MTBP: variants seen among roughly 807,000 people sequenced by gnomAD.
MTBP encodes mdm2-binding protein.
MTBP carries 101 observed loss-of-function variants against 117.0 expected under a neutral mutation model. The observed-to-expected ratio is 0.86, with a 90% CI of 0.73 to 1.02. MTBP has a LOEUF of 1.02. Among genes scored for constraint, MTBP ranks in the 50% least tolerant of loss-of-function variants. The pLI is 0.00. For synonymous variants in MTBP, 350 were observed against 351.5 expected, an observed-to-expected ratio of 1.00 and a Z score of 0.05; for missense variants, 970 against 1,030.9, an observed-to-expected ratio of 0.94 and a Z score of 0.81.
chr8:120,478,428 A>G (rs750616476), intron 11 of MTBP, among the ~76,000 whole-genome samples: 8 of 152,146 alleles, frequency 5.3e-5, no homozygotes, highest in Non-Finnish European at 7.4e-5. Flanking sequence ...GGTCTTTTCA[A>G]TTTTATGTCT....
chr8:120,485,373 A>G (rs997123942), intron 11 of MTBP, among the ~76,000 whole-genome samples: 1 of 152,108 alleles, frequency 6.6e-6, no homozygotes, highest in African/African-American at 2.4e-5. Context: ...ATATTTGTTA[A>G]TTCCCCAAAT....
chr8:120,501,341 G>A (rs1051165310), intron 14 of MTBP, among the ~76,000 whole-genome samples: 2 of 152,104 alleles, frequency 1.3e-5, no homozygotes, highest in African/African-American at 4.8e-5. Context: ...CAGCCTGGGC[G>A]ACAGCGAGAC....
intron 21 of MTBP, among the ~76,000 whole-genome samples, chr8:120,523,091 T>C (rs1481028681): frequency 6.6e-6 from 1 of 152,200 alleles, no homozygotes; most frequent in Non-Finnish European, 1.5e-5. Flanking sequence ...TTTCATCCAG[T>C]GAGAACATTA....
intron 2 of MTBP, among the ~76,000 whole-genome samples, chr8:120,448,433 T>C (rs1262380676): frequency 6.6e-6 from 1 of 152,222 alleles, no homozygotes; most frequent in Non-Finnish European, 1.5e-5. Context: ...TTTATCTCTC[T>C]CTTTTTAAAA....
At chr8:120,506,156 G>A (rs1415225619) in intron 15 of MTBP, among the ~76,000 whole-genome samples, 1 of 152,030 alleles carries the variant, frequency 6.6e-6, no homozygotes, top group Non-Finnish European at 1.5e-5. Context: ...ATGTATTTCA[G>A]GTATATAATA....
Position 120,502,586 on chromosome 8 carries a change from T to G in MTBP, c.1704T>G (p.Phe568Leu). 1 of 1,601,796 alleles carries G rather than the reference T, an allele frequency of 6.2e-7. No individual in the cohort carries two copies. The highest frequency in any genetic ancestry group is 8.5e-7 in the Non-Finnish European group (1 of 1,173,944). Residue 568 changes from phenylalanine to leucine, a missense_variant, in exon 15 of 22, where the codon TTT becomes TTG. By Grantham distance (22) the Phe-to-Leu change is conservative (BLOSUM62 0). Coordinates refer to ENST00000305949, the MANE Select transcript of MTBP (RefSeq NM_022045.5). ...ERHVLQNLET[F>L]EKTKQKMRTG... is the part of the protein sequence containing the mutation. Reference sequence around the variant, plus strand: ...ATGTTCTTCAAAATTTGGAAACTTTTGAAAAAACTAAACAAAAAATGAGGT... The same window carrying G: ...ATGTTCTTCAAAATTTGGAAACTTTGGAAAAAACTAAACAAAAAATGAGGT...
At chr8:120,475,937 G>A (rs1158655958) in intron 11 of MTBP, among the ~76,000 whole-genome samples, 1 of 151,928 alleles carries the variant, frequency 6.6e-6, no homozygotes, top group Non-Finnish European at 1.5e-5. Context: ...AGCCTACTAT[G>A]TGCCATATGC....
chr8:120,507,431 T>C (rs1814708805), intron 16 of MTBP, among the ~76,000 whole-genome samples: 1 of 152,172 alleles, frequency 6.6e-6, no homozygotes, highest in South Asian at 2.1e-4. Flanking sequence ...TGCATGTTGC[T>C]GACTTTGACA....
chr8:120,470,827 C>G lies in MTBP; in HGVS notation c.1055C>G (p.Ala352Gly). The change falls in exon 11 of 22, where the codon GCT (alanine) becomes GGT (glycine). Residue 352 changes from alanine (A) to glycine (G), a missense_variant. By Grantham distance (60) the Ala-to-Gly change is moderately conservative. Transcript: ENST00000305949. ...ATGGTCTGTTTTATTCAGGTTGGTGCTCTTTTTGTATTGCCATGTACCATT... is the reference window on the plus strand; with the variant it reads ...ATGGTCTGTTTTATTCAGGTTGGTGGTCTTTTTGTATTGCCATGTACCATT... ...QISSLCSKVG[A>G]LFVLPCTISN... 1 of 1,601,080 alleles carries G rather than the reference C, an allele frequency of 6.2e-7. No homozygotes were observed. Among genetic ancestry groups the G allele is most frequent in the South Asian group, 1.1e-5 (1 of 90,420 alleles).
chr8:120,505,279 A>C (rs1420281760), intron 15 of MTBP, among the ~76,000 whole-genome samples: 1 of 152,158 alleles, frequency 6.6e-6, no homozygotes, highest in African/African-American at 2.4e-5. Flanking sequence ...GCTTCACTTT[A>C]GGGCATACTT....
chr8:120,503,450 G>A (rs1415557618), intron 15 of MTBP, among the ~76,000 whole-genome samples: 1 of 152,128 alleles, frequency 6.6e-6, no homozygotes, highest in African/African-American at 2.4e-5. Context: ...TATTTGTTGT[G>A]GGGAGGGAAG....
At chr8:120,470,693 T>G (rs1813798080) in intron 10 of MTBP, 127 bp from the exon 11 acceptor site, 2 of 623,880 alleles carry the variant, frequency 3.2e-6, no homozygotes. Context: ...TATAGTGGAG[T>G]TTTTGGGAGA....
At position 120,445,483 on chromosome 8, in the gene MTBP, C is replaced by A; in HGVS notation, c.13C>A (p.Leu5Met). Residue 5 changes from leucine (L) to methionine (M), a missense_variant, in exon 1 of 22, where the codon CTG becomes ATG. Physicochemically the swap from Leu to Met is conservative, Grantham distance 15 (BLOSUM62 2). Coordinates refer to ENST00000305949, the MANE Select transcript of MTBP (RefSeq NM_022045.5). Reference sequence around the variant, plus strand: ...GATCTCTGAGGAGATGGATCGGTACCTGCTGCTGGTGATCTGGGGGGAAGG... The same window carrying A: ...GATCTCTGAGGAGATGGATCGGTACATGCTGCTGGTGATCTGGGGGGAAGG... MDRYLLLVIWGEGKF... is the reference protein window; with the variant it reads MDRYMLLVIWGEGKF... 1 of 1,613,402 alleles carries A rather than the reference C, an allele frequency of 6.2e-7. No individual in the cohort carries two copies. Among genetic ancestry groups the A allele is most frequent in the Non-Finnish European group, 8.5e-7 (1 of 1,179,758 alleles).
Position 120,470,933 on chromosome 8 carries a change from C to T in MTBP, c.1161C>T (p.Ile387=), listed in dbSNP as rs753624347. Residue 387 remains isoleucine (I), a synonymous_variant, in exon 11 of 22, where the codon ATC becomes ATT. Coordinates refer to ENST00000305949, the MANE Select transcript of MTBP (RefSeq NM_022045.5). The part of the protein sequence containing the change: ...KEYIAKKPKT[I]SVPDVEVKGE... ...ATATAGCTAAAAAGCCTAAAACAATCAGTGGTAAGTATTACATGTTTCGGT... is the reference window on the plus strand; with the variant it reads ...ATATAGCTAAAAAGCCTAAAACAATTAGTGGTAAGTATTACATGTTTCGGT... The T allele has an allele frequency of 5.1e-6, 8 of 1,570,602 alleles. No individual in the cohort carries two copies. The East Asian group carries it at 1.1e-4, about 22-fold the overall frequency.
chr8:120,464,567 G>C (rs573564375), intron 10 of MTBP, among the ~76,000 whole-genome samples: 1 of 151,882 alleles, frequency 6.6e-6, no homozygotes, highest in Non-Finnish European at 1.5e-5. Flanking sequence ...CTAAAATCAA[G>C]TCTTGGTTAT....
rs1386851155 is a variant in MTBP, at chr8:120,450,989, G to A, written c.200-14G>A. 1.9e-6 allele frequency: 3 copies of A among 1,600,690 alleles called. No individual in the cohort carries two copies. The highest frequency in any genetic ancestry group is 2.2e-5 in the South Asian group (2 of 89,074). ...GGTATGCCTTTTTAATAATAATGTG[G>A]TTTTATTTTCAAGCCTGTTCAGTGG... On this transcript the variant is annotated splice_polypyrimidine_tract_variant and intron_variant, in intron 2 of 21. Coordinates refer to ENST00000305949, the MANE Select transcript of MTBP (RefSeq NM_022045.5).
chr8:120,466,818 G>A (rs900277656), intron 10 of MTBP, among the ~76,000 whole-genome samples: 1 of 152,094 alleles, frequency 6.6e-6, no homozygotes. Flanking sequence ...AGGTTGCAAT[G>A]AGCCAAGATC....
Position 120,455,569 on chromosome 8 carries a change from C to T in MTBP, c.619C>T (p.His207Tyr). ...YSAKITIAGN[H>Y]CEINCQKIAE... is the part of the protein sequence containing the mutation. ...AGCAAAGATCACTATAGCAGGAAAT[C>T]ATTGTGAAATGTAAGCTTCTTTGTT... The change falls in exon 6 of 22, where the codon CAT becomes TAT. Residue 207 changes from histidine to tyrosine, a missense_variant. Coordinates refer to ENST00000305949, the MANE Select transcript of MTBP (RefSeq NM_022045.5). 2 of 1,608,126 alleles carry T rather than the reference C, an allele frequency of 1.2e-6. No individual in the cohort carries two copies. The highest frequency in any genetic ancestry group is 1.7e-6 in the Non-Finnish European group (2 of 1,178,348).
chr8:120,459,070 T>C (rs948837959), intron 7 of MTBP, 145 bp from the exon 8 acceptor site: 3 of 652,364 alleles, frequency 4.6e-6, no homozygotes, highest in East Asian at 6.5e-5. Context: ...TGTACCTAAA[T>C]GTGAGAAGCA....
Sources: gnomAD v4.1 joint callset for allele counts (sites outside exome capture counted in the v4.1 genomes callset) on GRCh38, gnomAD v4.1.1 for gene constraint, MANE v1.5 for transcripts, NCBI Gene and HGNC (gene_info 2026-07-23, HGNC 2026-07-21) for gene names.